Variants in UGT1A9 observed in about 807,000 individuals in gnomAD.
The protein encoded by UGT1A9 is UDP-glucuronosyltransferase 1A9.
In UGT1A9, 35 loss-of-function variants were observed where a neutral mutation model predicts 45.0. The observed-to-expected ratio is 0.78, with a 90% confidence interval of 0.59 to 1.03. The LOEUF (loss-of-function observed/expected upper bound fraction) is 1.03. UGT1A9 is among the 50% of genes least tolerant of loss of function. The pLI is 0.00. For synonymous variants in UGT1A9, 278 were observed against 250.6 expected (o/e 1.11, Z -1.03); for missense variants, 687 against 666.6 (o/e 1.03, Z -0.34).
chr2:233,764,212 A>G (rs903605972), intron 1 of UGT1A9, among the ~76,000 whole-genome samples: 1 of 152,176 alleles, frequency 6.6e-6, no homozygotes, highest in Non-Finnish European at 1.5e-5. Context: ...TTTTCTTTGA[A>G]GGGAATCAAT....
chr2:233,693,864 A>G (rs757830710), intron 1 of UGT1A9: 1 of 1,614,148 alleles, frequency 6.2e-7, no homozygotes, highest in Non-Finnish European at 8.5e-7. Context: ...GACTTGTCTC[A>G]GGTTGGTGGG....
rs1399932321 is a variant in UGT1A9, at chr2:233,747,632, C to A, written c.856-19402C>A. 22 of 1,580,286 alleles carry A rather than the reference C, an allele frequency of 1.4e-5. No homozygotes were observed. In the Admixed American group the frequency reaches 1.8e-4, roughly 13 times the overall value. On this transcript the variant is annotated intron_variant, in intron 1 of 4. Transcript: ENST00000354728. ...TGCATAATGAGGCCCTGATCAGGCA[C>A]CTGAATGCTACTTCCTTCGATGTGG...
intron 1 of UGT1A9, chr2:233,760,565 T>C (rs2125985983): frequency 6.2e-7 from 1 of 1,614,264 alleles, no homozygotes; most frequent in Non-Finnish European, 8.5e-7. Context: ...GAGTCTTTTG[T>C]TAGTCTCGGG....
At position 233,729,693 on chromosome 2, in the gene UGT1A9, C is replaced by T. The variant is rs45474199; in HGVS notation, c.856-37341C>T. On this transcript the variant is annotated intron_variant, in intron 1 of 4. Coordinates refer to ENST00000354728, the MANE Select transcript of UGT1A9 (RefSeq NM_021027.3). ...ACTTTAAGGGCACACAGTGTCCAAA[C>T]CCTTCCTCCTATATTCCTAGATTAC... 1,325 of 1,613,958 alleles carry T rather than the reference C, an allele frequency of 8.2e-4. 6 individuals carry two copies. Among genetic ancestry groups the T allele is most frequent in the South Asian group, 5.6e-3 (506 of 91,066 alleles).
intron 1 of UGT1A9, among the ~76,000 whole-genome samples, chr2:233,744,268 G>C (rs975143580): frequency 2.0e-5 from 3 of 151,806 alleles, no homozygotes; most frequent in African/African-American, 7.3e-5. Context: ...TTTTCTTAAA[G>C]TAGGCTTTAT....
At chr2:233,713,875 T>G (rs1454259266) in intron 1 of UGT1A9, 1 of 1,613,754 alleles carries the variant, frequency 6.2e-7, no homozygotes, top group Admixed American at 1.7e-5. Context: ...ATTGGTGCCT[T>G]TATCCAATCA....
At chr2:233,762,417 C>T (rs1698066612) in intron 1 of UGT1A9, among the ~76,000 whole-genome samples, 1 of 152,158 alleles carries the variant, frequency 6.6e-6, no homozygotes, top group Admixed American at 6.5e-5. Flanking sequence ...GCTTTTTCTA[C>T]AAAATAGAGT....
At chr2:233,711,532 G>A (rs1296354324) in intron 1 of UGT1A9, among the ~76,000 whole-genome samples, 12 of 152,124 alleles carry the variant, frequency 7.9e-5, no homozygotes, top group Admixed American at 7.2e-4. Context: ...ACAACTCCCC[G>A]GGAATCATCC....
At position 233,682,739 on chromosome 2, in the gene UGT1A9, A is replaced by C. The variant is rs762762821; in HGVS notation, c.855+9950A>C. On this transcript the variant is annotated intron_variant, in intron 1 of 4. Coordinates refer to ENST00000354728, the MANE Select transcript of UGT1A9 (RefSeq NM_021027.3). ...GGAGTATCCCAAACCCGTGATGCCCAATATGATCTTCATTGGTGGTATCAA... is the reference window on the plus strand; with the variant it reads ...GGAGTATCCCAAACCCGTGATGCCCCATATGATCTTCATTGGTGGTATCAA... 65 of 1,613,808 alleles carry C rather than the reference A, an allele frequency of 4.0e-5. No individual in the cohort carries two copies. The highest frequency in any genetic ancestry group is 5.3e-5 in the Non-Finnish European group (63 of 1,179,824).
chr2:233,680,229 CA>C (rs1334647558), intron 1 of UGT1A9, among the ~76,000 whole-genome samples: 1 of 152,026 alleles, frequency 6.6e-6, no homozygotes, highest in Non-Finnish European at 1.5e-5. Context: ...TGGTGGTATT[CA>C]AGGTTTAAAA....
chr2:233,766,101 A>G (rs1699049254), intron 1 of UGT1A9, among the ~76,000 whole-genome samples: 1 of 152,188 alleles, frequency 6.6e-6, no homozygotes, highest in South Asian at 2.1e-4. Context: ...GGCTTTCTGT[A>G]TCCTGGGGGC....
intron 1 of UGT1A9, among the ~76,000 whole-genome samples, chr2:233,752,746 AAAACAAAC>A (rs200752387): frequency 7.9e-5 from 12 of 152,308 alleles, no homozygotes; most frequent in East Asian, 1.9e-4. Context: ...CCCTGTCTCT[AAAACAAAC>A]AAACAAACAA....
intron 1 of UGT1A9, among the ~76,000 whole-genome samples, chr2:233,679,695 G>C (rs779966224): frequency 6.6e-6 from 1 of 152,060 alleles, no homozygotes; most frequent in Non-Finnish European, 1.5e-5. Context: ...GCAGAGGCTG[G>C]TTCTCCTGTT....
chr2:233,693,856 C>T (rs1229039578), intron 1 of UGT1A9: 2 of 1,614,076 alleles, frequency 1.2e-6, no homozygotes, highest in Admixed American at 3.3e-5. Context: ...AGAGGAAAGA[C>T]TTGTCTCAGG....
intron 1 of UGT1A9, chr2:233,730,016 A>G (rs763607059): frequency 4.4e-5 from 71 of 1,613,718 alleles, no homozygotes; most frequent in Non-Finnish European, 5.8e-5. Flanking sequence ...GCCTTCATCC[A>G]ATCAATGTTC....
rs750055600 is a variant in UGT1A9, at chr2:233,672,341, A to G, written c.407A>G (p.Tyr136Cys). 1.2e-6 allele frequency: 2 copies of G among 1,614,054 alleles called. No homozygotes were observed. Among genetic ancestry groups the G allele is most frequent in the Non-Finnish European group, 1.7e-6 (2 of 1,180,016 alleles). Reference sequence around the variant, plus strand: ...TTTAAAGACAAAAAATTAGTAGAATACTTAAAGGAGAGTTCTTTTGATGCA... The same window carrying G: ...TTTAAAGACAAAAAATTAGTAGAATGCTTAAAGGAGAGTTCTTTTGATGCA... Reference protein sequence around the residue: ...SLFKDKKLVEYLKESSFDAVF... With the variant: ...SLFKDKKLVECLKESSFDAVF... The change falls in exon 1 of 5, where the codon TAC becomes TGC. Residue 136 changes from tyrosine to cysteine, a missense_variant. By Grantham distance (194) the Tyr-to-Cys change is radical (BLOSUM62 -2). Coordinates refer to ENST00000354728, the MANE Select transcript of UGT1A9 (RefSeq NM_021027.3).
chr2:233,729,786 G>C, intron 1 of UGT1A9: 4 of 1,613,972 alleles, frequency 2.5e-6, no homozygotes, highest in Non-Finnish European at 3.4e-6. Context: ...CTCTGGCCCT[G>C]TCCTACATTT....
intron 1 of UGT1A9, chr2:233,689,954 C>A (rs1473720603): frequency 2.2e-6 from 1 of 456,550 alleles, no homozygotes; most frequent in Non-Finnish European, 4.4e-6. Flanking sequence ...TCCTTTATTT[C>A]CATGCTTGGA....
intron 1 of UGT1A9, chr2:233,741,807 T>C (rs561601493): frequency 6.6e-6 from 1 of 152,052 alleles, no homozygotes; most frequent in South Asian, 2.1e-4. Context: ...ATGCTGCTCT[T>C]AATTTTTTTC....
Sources: gnomAD v4.1 joint callset for allele counts (sites outside exome capture counted in the v4.1 genomes callset) on GRCh38, gnomAD v4.1.1 for gene constraint, MANE v1.5 for transcripts, NCBI Gene and HGNC (gene_info 2026-07-23, HGNC 2026-07-21) for gene names.